CLDN14: variants seen among roughly 807,000 people sequenced by gnomAD.
CLDN14 encodes claudin 14.
In CLDN14, 2 loss-of-function variants were observed where a neutral mutation model predicts 2.1. The observed-to-expected ratio is 0.96, with a 90% CI of 0.39 to 3.01. The LOEUF is 3.01. Ranked by LOEUF, CLDN14 falls within the 30% of genes most tolerant of loss-of-function variation. The pLI, the probability that CLDN14 is intolerant of heterozygous loss-of-function variation, is 0.09. For missense variants in CLDN14, 298 were observed against 328.0 expected (o/e 0.91, Z 0.71); for synonymous variants, 136 against 154.4 (o/e 0.88, Z 0.88).
intron 1 of CLDN14, among the ~76,000 whole-genome samples, chr21:36,475,719 C>T (rs2086770120): frequency 6.6e-6 from 1 of 152,152 alleles, no homozygotes; most frequent in South Asian, 2.1e-4. Flanking sequence ...CCCAGCCCCG[C>T]TGGCTTCATT....
At chr21:36,488,653 C>CG (rs952329924) in intron 2 of CLDN14, among the ~76,000 whole-genome samples, 10 of 24,844 alleles carry the variant, frequency 4.0e-4, no homozygotes, top group East Asian at 1.6e-3. Context: ...GGGCTGAGGG[C>CG]GGGGGGGTGG....
intron 2 of CLDN14, chr21:36,486,541 C>T (rs751962904): frequency 8.1e-5 from 127 of 1,562,694 alleles, no homozygotes; most frequent in Middle Eastern, 3.3e-4. Context: ...CAGCCAAAAT[C>T]GGAGAACTGA....
chr21:36,528,699 T>C (rs1362649642), intron 1 of CLDN14, among the ~76,000 whole-genome samples: 5 of 152,230 alleles, frequency 3.3e-5, no homozygotes. Context: ...TGATGCACCC[T>C]GGGCCGCAGG....
chr21:36,499,896 G>A lies in CLDN14; in HGVS notation c.-82+10467C>T, dbSNP rs1270618819. 2.6e-5 allele frequency among the ~76,000 whole-genome samples: 4 copies of A among 152,062 alleles called. No homozygotes were observed. Among genetic ancestry groups the A allele is most frequent in the African/African-American group, 9.7e-5 (4 of 41,402 alleles). ...ATCAGGGGGCTGGTGGAGAAAATCG[G>A]GGGGTCTCCGGAGCAACCCCGGGAG... is the stretch of plus-strand genomic sequence containing the variant. On this transcript the variant is annotated intron_variant, in intron 2 of 2. Coordinates refer to the CLDN14 transcript ENST00000342108. The surrounding 1 kb of genome is among the most constrained non-coding windows in gnomAD (Gnocchi z 4.7).
intron 2 of CLDN14, among the ~76,000 whole-genome samples, chr21:36,490,702 A>G (rs2086953305): frequency 1.3e-5 from 2 of 151,700 alleles, no homozygotes; most frequent in Admixed American, 1.3e-4. Context: ...AAATTTCTTT[A>G]CTTATAATTT....
chr21:36,508,780 G>A (rs2087157114), intron 2 of CLDN14, among the ~76,000 whole-genome samples: 1 of 152,226 alleles, frequency 6.6e-6, no homozygotes, highest in Non-Finnish European at 1.5e-5. Context: ...GAGAGACAAT[G>A]GTCTTTTTAG....
intron 2 of CLDN14, among the ~76,000 whole-genome samples, chr21:36,497,437 G>A (rs1466171797): frequency 6.2e-5 from 9 of 145,080 alleles, no homozygotes; most frequent in African/African-American, 2.3e-4. Flanking sequence ...CAGGCGGCAG[G>A]CACACGCACA....
At chr21:36,486,515 A>C in intron 2 of CLDN14, 2 of 1,565,502 alleles carry the variant, frequency 1.3e-6, no homozygotes, top group Admixed American at 1.7e-5. Context: ...GAGACCCAGC[A>C]TGGCACCCCC....
At chr21:36,513,233 C>G (rs2087199534) in intron 1 of CLDN14, among the ~76,000 whole-genome samples, 1 of 152,208 alleles carries the variant, frequency 6.6e-6, no homozygotes, top group Admixed American at 6.5e-5. Flanking sequence ...CTGAGTAAAG[C>G]TTCTTTGCTC....
chr21:36,492,997 C>G (rs2086983552), intron 2 of CLDN14, among the ~76,000 whole-genome samples: 1 of 152,204 alleles, frequency 6.6e-6, no homozygotes, highest in South Asian at 2.1e-4. Flanking sequence ...AGAGACGAGT[C>G]AGACAAGATC....
intron 2 of CLDN14, among the ~76,000 whole-genome samples, chr21:36,485,317 T>G (rs867202039): frequency 7.0e-6 from 1 of 143,596 alleles, no homozygotes; most frequent in South Asian, 2.3e-4. Context: ...CAAGCGATTC[T>G]CTTGCCTCAG....
chr21:36,569,712 T>G (rs1160104677), intron 1 of CLDN14, among the ~76,000 whole-genome samples: 1 of 152,042 alleles, frequency 6.6e-6, no homozygotes, highest in Non-Finnish European at 1.5e-5. Context: ...GTCATGAGGG[T>G]GGGAAGATGC....
At chr21:36,559,378 G>A (rs1227451277) in intron 1 of CLDN14, among the ~76,000 whole-genome samples, 1 of 152,092 alleles carries the variant, frequency 6.6e-6, no homozygotes, top group Non-Finnish European at 1.5e-5. Context: ...TGTATTTTTA[G>A]TAGAGACGGG....
chr21:36,493,280 T>A (rs1308598900), intron 2 of CLDN14, among the ~76,000 whole-genome samples: 1 of 152,114 alleles, frequency 6.6e-6, no homozygotes, highest in Non-Finnish European at 1.5e-5. Flanking sequence ...ACAGGAGTCC[T>A]GAGCTGGGGT....
At chr21:36,564,109 C>T (rs2087656224) in intron 1 of CLDN14, among the ~76,000 whole-genome samples, 1 of 152,170 alleles carries the variant, frequency 6.6e-6, no homozygotes, top group Non-Finnish European at 1.5e-5. Flanking sequence ...GCAAATGTGG[C>T]TCCCTGAGAG....
chr21:36,511,158 A>G (rs530157164), intron 1 of CLDN14, among the ~76,000 whole-genome samples: 12 of 152,204 alleles, frequency 7.9e-5, no homozygotes, highest in Non-Finnish European at 1.5e-4. Flanking sequence ...AGGTGAAGAC[A>G]CACATAGAGG....
intron 1 of CLDN14, among the ~76,000 whole-genome samples, chr21:36,518,128 C>G (rs187860000): frequency 7.6e-4 from 115 of 151,518 alleles, no homozygotes; most frequent in African/African-American, 2.8e-3. Context: ...GGTTTTGTTA[C>G]TGGGGAGAAC....
rs1264982291 is a variant in CLDN14, at chr21:36,461,418, A to G, written c.278T>C (p.Ile93Thr). 1.9e-6 allele frequency: 3 copies of G among 1,613,164 alleles called. No homozygotes were observed. The highest frequency in any genetic ancestry group is 2.7e-5 in the African/African-American group (2 of 74,936). The change falls in exon 2 of 2, where the codon ATA becomes ACA. Residue 93 changes from isoleucine (I) to threonine (T), a missense_variant. By Grantham distance (89) the Ile-to-Thr change is moderately conservative (BLOSUM62 -1). Transcript: ENST00000399135. The stretch of plus-strand genomic sequence containing the variant: ...CCCGATGACGGCGCAGGCGCAGGCT[A>G]TGCCCGAGAGCAGGCAGGAGATGAC... Reference protein sequence around the residue: ...LMVISCLLSGIACACAVIGMK... With the variant: ...LMVISCLLSGTACACAVIGMK...
At chr21:36,521,653 G>A (rs992095148) in intron 1 of CLDN14, among the ~76,000 whole-genome samples, 3 of 152,162 alleles carry the variant, frequency 2.0e-5, no homozygotes, top group Non-Finnish European at 4.4e-5. Context: ...TGTCTGTCTT[G>A]GGAATGACAG....
Sources: gnomAD v4.1 joint callset for allele counts (sites outside exome capture counted in the v4.1 genomes callset) on GRCh38, gnomAD v4.1.1 for gene constraint, Gnocchi (gnomAD v3.1) non-coding constraint, MANE v1.5 for transcripts, NCBI Gene and HGNC (gene_info 2026-07-23, HGNC 2026-07-21) for gene names.